Variants in HERC2 observed in about 807,000 individuals in gnomAD.
The protein encoded by HERC2 is E3 ubiquitin-protein ligase HERC2.
A neutral mutation model predicts 537.7 loss-of-function variants in HERC2; 102 were observed. The observed-to-expected ratio is 0.19, with a 90% CI of 0.16 to 0.22. The LOEUF (loss-of-function observed/expected upper bound fraction) is 0.22. Ranked by LOEUF, HERC2 falls within the 10% of genes least tolerant of loss-of-function variation. The pLI is 1.00. For synonymous variants in HERC2, 2,224 were observed against 2,466.2 expected (o/e 0.90, Z 2.91); for missense variants, 4,236 against 6,198.2 (o/e 0.68, Z 10.63).
chr15:28,195,349 T>C (rs946776493), intron 52 of HERC2, among the ~76,000 whole-genome samples: 5 of 152,012 alleles, frequency 3.3e-5, no homozygotes, highest in African/African-American at 4.8e-5. Flanking sequence ...TAATCCCAGC[T>C]ACTCAGGAGG....
intron 5 of HERC2, among the ~76,000 whole-genome samples, chr15:28,277,269 T>C (rs2075899335): frequency 6.6e-6 from 1 of 151,930 alleles, no homozygotes; most frequent in Non-Finnish European, 1.5e-5. Context: ...CTGAAAAAAT[T>C]GCAAAGAAAT....
intron 92 of HERC2, among the ~76,000 whole-genome samples, chr15:28,112,450 T>C (rs949194460): frequency 6.6e-6 from 1 of 152,242 alleles, no homozygotes. Context: ...CCTTCTAAGA[T>C]AGAAAACTAT....
At chr15:28,169,731 G>T in intron 65 of HERC2, 76 bp from the exon 66 acceptor site, 2 of 1,437,856 alleles carry the variant, frequency 1.4e-6, no homozygotes, top group Non-Finnish European at 1.9e-6. Context: ...TGACCTTACA[G>T]GTTAGTTCCA....
At chr15:28,196,402 T>C (rs747959499) in intron 51 of HERC2, 48 bp from the exon 52 acceptor site, 1 of 1,498,290 alleles carries the variant, frequency 6.7e-7, no homozygotes, top group Non-Finnish European at 9.2e-7. Flanking sequence ...TTATTAAACT[T>C]AATTCAACAG....
chr15:28,244,390 G>A (rs140130849), intron 23 of HERC2, among the ~76,000 whole-genome samples: 92 of 152,240 alleles, frequency 6.0e-4, no homozygotes, highest in African/African-American at 2.1e-3. Context: ...AAATGATGTT[G>A]GGTAGGGACA....
intron 34 of HERC2, 103 bp downstream of exon 34, chr15:28,229,090 CTT>C: frequency 9.2e-7 from 1 of 1,081,396 alleles, no homozygotes; most frequent in Non-Finnish European, 1.4e-6. Context: ...AAAGTACAAA[CTT>C]TAATTAAAAT....
At chr15:28,116,198 C>A (rs1239560023) in intron 88 of HERC2, among the ~76,000 whole-genome samples, 1 of 149,680 alleles carries the variant, frequency 6.7e-6, no homozygotes, top group East Asian at 2.0e-4. Context: ...AAGGCACGAT[C>A]AATATTAAAA....
chr15:28,238,804 G>A lies in HERC2; in HGVS notation c.3578-32C>T, dbSNP rs762550180. ...ATACAGAAACCAGAATCAGTCCATT[G>A]ATCAATCAACAGGTAAAATGAAAAG... On this transcript the variant is annotated intron_variant, in intron 23 of 92. Coordinates refer to ENST00000261609, the MANE Select transcript of HERC2 (RefSeq NM_004667.6). 6 of 1,488,172 alleles carry A rather than the reference G, an allele frequency of 4.0e-6. No homozygotes were observed. In the African/African-American group the frequency reaches 8.3e-5, roughly 21 times the overall value. 92.2% of individuals were successfully genotyped at this position (1,488,172 alleles called of 1,614,324 possible).
At chr15:28,253,840 T>C (rs2075164843) in intron 20 of HERC2, among the ~76,000 whole-genome samples, 1 of 151,774 alleles carries the variant, frequency 6.6e-6, no homozygotes, top group Non-Finnish European at 1.5e-5. Flanking sequence ...CGGACGCCTG[T>C]AGTCCCAGCT....
Position 28,116,775 on chromosome 15 carries a change from A to G in HERC2, c.13499T>C (p.Leu4500Pro). Residue 4500 changes from leucine to proline, a missense_variant, in exon 88 of 93, where the codon CTG (leucine) becomes CCG (proline). Leu to Pro is a moderately conservative substitution (Grantham distance 98, BLOSUM62 -3). Around this residue, in one of 27 missense-constraint regions of HERC2, gnomAD observed 313 missense variants for 462.6 expected, o/e 0.68. Coordinates refer to ENST00000261609, the MANE Select transcript of HERC2 (RefSeq NM_004667.6). The part of the protein sequence containing the change: ...CEELQNGLTP[L>P]LIVTPNGRDE... ...CCTCCCGTTGGGTGTCACGATCAGC[A>G]GGGGCGTGAGTCCGTTCTGCAGCTC... 1 of 1,613,982 alleles carries G rather than the reference A, an allele frequency of 6.2e-7. No homozygotes were observed. The highest frequency in any genetic ancestry group is 8.5e-7 in the Non-Finnish European group (1 of 1,180,002).
chr15:28,136,589 G>A (rs1315304223), intron 78 of HERC2, among the ~76,000 whole-genome samples: 1 of 152,198 alleles, frequency 6.6e-6, no homozygotes. Flanking sequence ...GGGAGACAGA[G>A]GCTTGCTCCT....
intron 2 of HERC2, among the ~76,000 whole-genome samples, chr15:28,306,788 T>C (rs1387901456): frequency 6.6e-6 from 1 of 152,202 alleles, no homozygotes; most frequent in Non-Finnish European, 1.5e-5. Flanking sequence ...GATTTCTTCA[T>C]GGTTCAAACT....
At chr15:28,124,854 A>C (rs1889302463) in intron 84 of HERC2, 152 bp downstream of exon 84, 2 of 807,926 alleles carry the variant, frequency 2.5e-6, no homozygotes, top group Admixed American at 3.0e-5. Flanking sequence ...CCAGCCAAAT[A>C]TCAAGGTTCT....
rs777325371 is a variant in HERC2, at chr15:28,115,485, C to A, written c.13666G>T (p.Glu4556Ter). Residue 4556 changes from glutamate (E) to a stop codon, truncating the protein, a stop_gained, in exon 89 of 93, where the codon GAG becomes TAG. Coordinates refer to ENST00000261609, the MANE Select transcript of HERC2 (RefSeq NM_004667.6). LOFTEE classifies it high-confidence loss of function. ...CCAGCCAGCTGCTTCCAGACAGGCT[C>A]GGCAAGGTTGAGGCTCAGGGGACTC... ...TGSPLSLNLA[E>*]PVWKQLAGMS... 1 of 1,614,038 alleles carries A rather than the reference C, an allele frequency of 6.2e-7. No individual in the cohort carries two copies. Among genetic ancestry groups the A allele is most frequent in the South Asian group, 1.1e-5 (1 of 91,070 alleles).
rs750333831 is a variant in HERC2 at position 28,114,742 on chromosome 15, C to G, written c.13783G>C (p.Glu4595Gln). The G allele has an allele frequency of 1.2e-6, 2 of 1,614,054 alleles. No homozygotes were observed. The highest frequency in any genetic ancestry group is 2.2e-5 in the South Asian group (2 of 91,064). The change falls in exon 90 of 93, where the codon GAG becomes CAG. Residue 4595 changes from glutamate to glutamine, a missense_variant. Glu to Gln is a conservative substitution (Grantham distance 29). Transcript: ENST00000261609. ...AAGGGCAGGCTCATGGCTTCAAACT[C>G]CTCTGAGGTGGCTTCATTGTCTCGG... ...YIRDNEATSE[E>Q]FEAMSLPFTV...
chr15:28,223,885 C>A (rs1450707789), intron 35 of HERC2, among the ~76,000 whole-genome samples: 1 of 152,012 alleles, frequency 6.6e-6, no homozygotes, highest in African/African-American at 2.4e-5. Flanking sequence ...ATCAACAGAA[C>A]AAGTCCCCAT....
intron 70 of HERC2, among the ~76,000 whole-genome samples, 178 bp from the exon 71 acceptor site, chr15:28,146,522 T>G (rs1307292079): frequency 4.6e-5 from 7 of 152,260 alleles, no homozygotes; most frequent in African/African-American, 1.7e-4. Context: ...CCACTGAAGA[T>G]CATGTCTGTG....
intron 69 of HERC2, among the ~76,000 whole-genome samples, chr15:28,160,583 A>C (rs1893491293): frequency 6.6e-6 from 1 of 152,210 alleles, no homozygotes; most frequent in Non-Finnish European, 1.5e-5. Context: ...CCGTTGGAAA[A>C]GCACAGTATT....
rs1242613000 is a variant in HERC2, at chr15:28,111,040, T to A, written c.*723A>T. The A allele has an allele frequency of 6.6e-6, 1 of 152,246 alleles. No individual in the cohort carries two copies. Among genetic ancestry groups the A allele is most frequent in the African/African-American group, 2.4e-5 (1 of 41,474 alleles). The allele number at this position is 152,246 out of a possible 1,614,324, so 9.4% of individuals were successfully genotyped here. A position where few individuals can be genotyped will look rare whatever the true frequency, so the allele number is the denominator to read the frequency against. ...CTGGTTAAGAAAGCTCAGCCTACAC[T>A]TTTATGTCAGATGTTTTATTTATAG... On this transcript the variant is annotated 3_prime_UTR_variant, in exon 93 of 93. Coordinates refer to ENST00000261609, the MANE Select transcript of HERC2 (RefSeq NM_004667.6).
Sources: gnomAD v4.1 joint callset for allele counts (sites outside exome capture counted in the v4.1 genomes callset) on GRCh38, gnomAD v4.1.1 for gene constraint, gnomAD v4.1.1 regional missense constraint, MANE v1.5 for transcripts, NCBI Gene and HGNC (gene_info 2026-07-23, HGNC 2026-07-21) for gene names.